Variants in NCKAP5 observed in about 807,000 individuals in gnomAD.
The protein encoded by NCKAP5 is nck-associated protein 5.
NCKAP5 carries 92 observed loss-of-function variants against 167.0 expected under a neutral mutation model. The ratio of observed to expected loss-of-function variants is 0.55; its 90% CI spans 0.47 to 0.66. The LOEUF is 0.66. NCKAP5 is among the 30% of genes least tolerant of loss of function. The probability of loss-of-function intolerance (pLI) is 0.00; values close to 1 mark genes in which losing one functional copy is unlikely to be tolerated. For synonymous variants in NCKAP5, 891 were observed against 877.4 expected, an observed-to-expected ratio of 1.02 and a Z score of -0.27; for missense variants, 2,378 against 2,315.0, an observed-to-expected ratio of 1.03 and a Z score of -0.56.
intron 6 of NCKAP5, among the ~76,000 whole-genome samples, chr2:133,028,130 C>A (rs1157558985): frequency 6.6e-6 from 1 of 152,102 alleles, no homozygotes; most frequent in Non-Finnish European, 1.5e-5. Flanking sequence ...ATTTGAAATA[C>A]TTCTGTTTCC....
chr2:133,581,405 G>C, the NCKAP5 span, among the ~76,000 whole-genome samples: 1 of 152,140 alleles, frequency 6.6e-6, no homozygotes, highest in Non-Finnish European at 1.5e-5. Flanking sequence ...TGTTCTTCTT[G>C]GTGGAATCTC....
chr2:133,204,258 T>C (rs1250679344), intron 5 of NCKAP5, among the ~76,000 whole-genome samples: 3 of 152,224 alleles, frequency 2.0e-5, no homozygotes, highest in Non-Finnish European at 4.4e-5. Context: ...TAAAATATTT[T>C]AAATACTCAC....
At chr2:132,941,700 C>T (rs146352566) in intron 8 of NCKAP5, among the ~76,000 whole-genome samples, 5 of 152,172 alleles carry the variant, frequency 3.3e-5, no homozygotes, top group African/African-American at 9.6e-5. Flanking sequence ...TTTCATGAGT[C>T]GACAAATTCC....
rs1349323577 is a variant in NCKAP5 at position 132,920,769 on chromosome 2, A to ATGTG, written c.580-41854_580-41853insCACA. 9.4e-4 allele frequency among the ~76,000 whole-genome samples: 30 copies of ATGTG among 31,934 alleles called. 1 individual carries two copies. The highest frequency in any genetic ancestry group is 9.1e-3 in the South Asian group (8 of 876). 20.9% of individuals were successfully genotyped at this position (31,934 alleles called of 152,430 possible). ...TGTATATATATATGTATATATATGT[A>ATGTG]TGTATATATATATATATATATATAT... On this transcript the variant is annotated intron_variant, in intron 8 of 19. Transcript: ENST00000409261.
the NCKAP5 span, among the ~76,000 whole-genome samples, chr2:133,642,663 A>G: frequency 6.6e-6 from 1 of 152,234 alleles, no homozygotes; most frequent in Non-Finnish European, 1.5e-5. Flanking sequence ...CAACATGCTC[A>G]TAGCATTTCA....
intron 4 of NCKAP5, among the ~76,000 whole-genome samples, chr2:133,252,191 C>A (rs566861806): frequency 1.3e-5 from 2 of 152,210 alleles, no homozygotes; most frequent in South Asian, 2.1e-4. Flanking sequence ...AACAAGAGAA[C>A]AGAAGCTTGG....
chr2:133,368,613 T>C (rs1034392838), intron 3 of NCKAP5, among the ~76,000 whole-genome samples: 4 of 152,216 alleles, frequency 2.6e-5, no homozygotes, highest in Non-Finnish European at 1.5e-5. Context: ...GGCCTTTGAC[T>C]CCAAGCCTTG....
intron 6 of NCKAP5, chr2:133,123,887 C>T (rs1485595481): frequency 2.2e-6 from 1 of 452,900 alleles, no homozygotes; most frequent in African/African-American, 2.0e-5. Context: ...GCATATTATC[C>T]TCTTCAACAC....
chr2:132,683,542 T>C (rs1465212840), intron 19 of NCKAP5, among the ~76,000 whole-genome samples: 1 of 152,182 alleles, frequency 6.6e-6, no homozygotes, highest in Non-Finnish European at 1.5e-5. Context: ...TGCCACTGCT[T>C]TATGGAAATC....
chr2:133,313,557 T>C (rs1247342221), intron 3 of NCKAP5, among the ~76,000 whole-genome samples: 1 of 152,180 alleles, frequency 6.6e-6, no homozygotes, highest in African/African-American at 2.4e-5. Flanking sequence ...TTCTTAAATA[T>C]TGTTTCTATA....
At chr2:132,914,577 A>C (rs1694716776) in intron 8 of NCKAP5, among the ~76,000 whole-genome samples, 2 of 151,936 alleles carry the variant, frequency 1.3e-5, no homozygotes, top group South Asian at 4.2e-4. Context: ...GACTCTCTGA[A>C]ACCCAAATGC....
chr2:133,583,855 G>T, the NCKAP5 span, among the ~76,000 whole-genome samples: 2 of 152,070 alleles, frequency 1.3e-5, no homozygotes, highest in Admixed American at 1.3e-4. Flanking sequence ...CTGGGTTCAC[G>T]CCATTCTCCT....
chr2:133,353,084 TG>T (rs1227116581), intron 3 of NCKAP5, among the ~76,000 whole-genome samples: 1 of 152,228 alleles, frequency 6.6e-6, no homozygotes. Flanking sequence ...AATCTTGGAC[TG>T]AGTAGTGGTC....
At chr2:133,109,548 GC>G (rs1361008763) in intron 6 of NCKAP5, among the ~76,000 whole-genome samples, 2 of 152,072 alleles carry the variant, frequency 1.3e-5, no homozygotes, top group African/African-American at 4.8e-5. Flanking sequence ...TCATGACATT[GC>G]TCTATTTTAT....
intron 6 of NCKAP5, among the ~76,000 whole-genome samples, chr2:133,098,220 A>G (rs1323897988): frequency 1.3e-5 from 2 of 152,256 alleles, no homozygotes; most frequent in East Asian, 1.9e-4. Flanking sequence ...AGACACATCA[A>G]TCTAAAGTTT....
intron 8 of NCKAP5, among the ~76,000 whole-genome samples, chr2:132,952,443 G>A (rs2076215991): frequency 6.6e-6 from 1 of 152,152 alleles, no homozygotes; most frequent in South Asian, 2.1e-4. Flanking sequence ...ATGCAGGGCA[G>A]TCACAGACCC....
Position 132,767,156 on chromosome 2 carries a change from C to T in NCKAP5, c.5128+6660G>A, listed in dbSNP as rs918493337. 8.5e-5 allele frequency among the ~76,000 whole-genome samples: 13 copies of T among 152,336 alleles called. No homozygotes were observed. The South Asian group carries it at 2.5e-3, about 29-fold the overall frequency. On this transcript the variant is annotated intron_variant, in intron 16 of 19. Transcript: ENST00000409261. The stretch of plus-strand genomic sequence containing the variant: ...TGCAGTTCACTGAAGTAGGCTTGAT[C>T]CTGTCTTTTCTTCCGCAACCCAAAT...
rs199767412 is a variant in NCKAP5, at chr2:133,536,795, A to AT, written c.-61-19209dup. 4.2e-4 allele frequency among the ~76,000 whole-genome samples: 63 copies of AT among 149,590 alleles called. 1 individual carries two copies. The South Asian group carries it at 4.9e-3, about 12-fold the overall frequency. On this transcript the variant is annotated intron_variant, in intron 2 of 19. Coordinates refer to ENST00000409261, the MANE Select transcript of NCKAP5 (RefSeq NM_207363.3). Reference sequence around the variant, plus strand: ...TTCCTGCTAATATCCTTTGAGGCACATTTTTTTTTAAATTTTACTGATGTC... The same window carrying AT: ...TTCCTGCTAATATCCTTTGAGGCACATTTTTTTTTTAAATTTTACTGATGTC...
At chr2:133,136,090 C>T (rs2082778022) in intron 5 of NCKAP5, among the ~76,000 whole-genome samples, 3 of 152,084 alleles carry the variant, frequency 2.0e-5, no homozygotes, top group Admixed American at 2.0e-4. Context: ...ATCACAAATG[C>T]CATCTAGAAT....
Sources: gnomAD v4.1 joint callset for allele counts (sites outside exome capture counted in the v4.1 genomes callset) on GRCh38, gnomAD v4.1.1 for gene constraint, MANE v1.5 for transcripts, NCBI Gene and HGNC (gene_info 2026-07-23, HGNC 2026-07-21) for gene names.